The following RAPGEF6 variants were observed in gnomAD, a reference collection of about 807,000 sequenced individuals.
RAPGEF6 encodes PDZ domain containing guanine nucleotide exchange factor (GEF) 2.
Under a neutral mutation model 171.4 loss-of-function variants are expected in RAPGEF6, and 56 were observed. The ratio of observed to expected loss-of-function variants is 0.33; its 90% CI spans 0.26 to 0.41. The LOEUF is 0.41. Ranked by LOEUF, RAPGEF6 falls within the 10% of genes least tolerant of loss-of-function variation. The probability of loss-of-function intolerance (pLI) is 1.00; values close to 1 mark genes in which losing one functional copy is unlikely to be tolerated. For synonymous variants in RAPGEF6, 692 were observed against 650.1 expected (o/e 1.06, Z -0.98); for missense variants, 1,674 against 1,921.4 (o/e 0.87, Z 2.41).
chr5:131,582,440 G>GT (rs2149993284), intron 4 of RAPGEF6, among the ~76,000 whole-genome samples: 1 of 152,168 alleles, frequency 6.6e-6, no homozygotes, highest in East Asian at 1.9e-4. Flanking sequence ...ACAAAAATTG[G>GT]TTTAAATAGA....
chr5:131,431,204 C>T lies in RAPGEF6; in HGVS notation c.4120G>A (p.Asp1374Asn). 6.2e-7 allele frequency: 1 copy of T among 1,614,176 alleles called. No individual in the cohort carries two copies. The highest frequency in any genetic ancestry group is 8.5e-7 in the Non-Finnish European group (1 of 1,180,034). ...SWTSCSSSSHDNFQSLPNPKS... is the reference protein window; with the variant it reads ...SWTSCSSSSHNNFQSLPNPKS... ...GGGTTTGGAAGGCTTTGGAAGTTGT[C>T]ATGGGAGCTGCTTGAACACGAAGTC... Residue 1374 changes from aspartate (D) to asparagine (N), a missense_variant, in exon 26 of 28, where the codon GAC becomes AAC. Asp to Asn is a conservative substitution (Grantham distance 23). Coordinates refer to ENST00000509018, the MANE Select transcript of RAPGEF6 (RefSeq NM_016340.6).
intron 5 of RAPGEF6, among the ~76,000 whole-genome samples, chr5:131,552,127 G>C (rs896141791): frequency 6.6e-6 from 1 of 151,964 alleles, no homozygotes; most frequent in African/African-American, 2.4e-5. Flanking sequence ...ATAGACAAGA[G>C]ATGAAACAAG....
At chr5:131,603,754 AT>A (rs1393561609) in intron 2 of RAPGEF6, among the ~76,000 whole-genome samples, 1 of 152,030 alleles carries the variant, frequency 6.6e-6, no homozygotes, top group African/African-American at 2.4e-5. Flanking sequence ...CAAAATGCTA[AT>A]TTTTCAGTTT....
rs778644142 is a variant in RAPGEF6 at position 131,453,180 on chromosome 5, A to T, written c.3077-3T>A. The T allele has an allele frequency of 5.6e-6, 9 of 1,593,038 alleles. No individual in the cohort carries two copies. The South Asian group carries it at 1.0e-4, about 18-fold the overall frequency. On this transcript the variant is annotated splice_region_variant and splice_polypyrimidine_tract_variant and intron_variant, in intron 20 of 27. Coordinates refer to ENST00000509018, the MANE Select transcript of RAPGEF6 (RefSeq NM_016340.6). ...ACCATCTACTTTGGAGTCATTTCCT[A>T]TAGAATGAAAATAAATGTTTAAGTT... is the stretch of plus-strand genomic sequence containing the variant.
At chr5:131,593,465 G>C (rs1448334951) in intron 3 of RAPGEF6, among the ~76,000 whole-genome samples, 1 of 152,214 alleles carries the variant, frequency 6.6e-6, no homozygotes, top group Non-Finnish European at 1.5e-5. Context: ...TGAAAATGTA[G>C]AAGTGACTTT....
At chr5:131,456,319 T>C (rs984519672) in intron 19 of RAPGEF6, among the ~76,000 whole-genome samples, 1 of 152,180 alleles carries the variant, frequency 6.6e-6, no homozygotes, top group African/African-American at 2.4e-5. Flanking sequence ...ACTTCAAGCA[T>C]CACAATGTTG....
chr5:131,584,609 T>A (rs1763140926), intron 4 of RAPGEF6, among the ~76,000 whole-genome samples: 3 of 152,204 alleles, frequency 2.0e-5, no homozygotes, highest in Admixed American at 2.0e-4. Flanking sequence ...CCTCAATTAC[T>A]CCTGCAAGTA....
Position 131,585,821 on chromosome 5 carries a change from C to T in RAPGEF6, c.281+6562G>A, listed in dbSNP as rs572494140. On this transcript the variant is annotated intron_variant, in intron 4 of 27. Coordinates refer to ENST00000509018, the MANE Select transcript of RAPGEF6 (RefSeq NM_016340.6). The stretch of plus-strand genomic sequence containing the variant: ...AGCCTGGGCGGCAAGAGCGAAACTC[C>T]GTCCCCAAAAAACAAACAAAAAAAG... Among the ~76,000 whole-genome samples, 29 of 152,156 alleles carry T rather than the reference C, an allele frequency of 1.9e-4. 1 individual carries two copies. Among genetic ancestry groups the T allele is most frequent in the Non-Finnish European group, 3.2e-4 (22 of 67,992 alleles).
chr5:131,606,720 C>T (rs1764615758), intron 1 of RAPGEF6, among the ~76,000 whole-genome samples: 1 of 152,120 alleles, frequency 6.6e-6, no homozygotes, highest in Admixed American at 6.5e-5. Flanking sequence ...CTTGTTCTGA[C>T]CAAAAGAATA....
intron 24 of RAPGEF6, among the ~76,000 whole-genome samples, chr5:131,434,485 C>A (rs1683033082): frequency 6.6e-6 from 1 of 152,128 alleles, no homozygotes; most frequent in Non-Finnish European, 1.5e-5. Flanking sequence ...GCGATCCTCC[C>A]GCCTCAGCCT....
intron 10 of RAPGEF6, 82 bp downstream of exon 10, chr5:131,505,282 T>C: frequency 7.3e-7 from 1 of 1,376,094 alleles, no homozygotes. Flanking sequence ...CAAATAAAGC[T>C]ATTTTCTTTT....
At chr5:131,611,392 G>C (rs1235568447) in intron 1 of RAPGEF6, among the ~76,000 whole-genome samples, 1 of 152,162 alleles carries the variant, frequency 6.6e-6, no homozygotes, top group African/African-American at 2.4e-5. Context: ...ATGTTTGGCT[G>C]GGTGTGGTGG....
intron 13 of RAPGEF6, among the ~76,000 whole-genome samples, chr5:131,494,113 CATT>C (rs1278653989): frequency 6.6e-6 from 1 of 152,224 alleles, no homozygotes; most frequent in Non-Finnish European, 1.5e-5. Flanking sequence ...CCTCTCAGCT[CATT>C]ATAATCCTTA....
chr5:131,529,160 A>G (rs1759193810), intron 6 of RAPGEF6, among the ~76,000 whole-genome samples: 1 of 152,040 alleles, frequency 6.6e-6, no homozygotes, highest in African/African-American at 2.4e-5. Context: ...ACGGAAAAAA[A>G]AAAAAAAAGA....
chr5:131,538,819 T>C (rs1382366862), intron 6 of RAPGEF6, among the ~76,000 whole-genome samples: 1 of 152,222 alleles, frequency 6.6e-6, no homozygotes, highest in African/African-American at 2.4e-5. Flanking sequence ...AACTTGGCAT[T>C]TGTCCTAGTT....
At chr5:131,454,652 A>G (rs1396913541) in intron 20 of RAPGEF6, among the ~76,000 whole-genome samples, 1 of 152,210 alleles carries the variant, frequency 6.6e-6, no homozygotes, top group Non-Finnish European at 1.5e-5. Flanking sequence ...AATGAGACAT[A>G]GTTGGAGAGA....
chr5:131,486,168 T>C (rs908084406), intron 15 of RAPGEF6, among the ~76,000 whole-genome samples: 1 of 152,160 alleles, frequency 6.6e-6, no homozygotes, highest in Non-Finnish European at 1.5e-5. Context: ...TATTTTATCC[T>C]TTGGTGGGCA....
At chr5:131,482,529 C>T (rs1755558584) in intron 15 of RAPGEF6, among the ~76,000 whole-genome samples, 1 of 152,108 alleles carries the variant, frequency 6.6e-6, no homozygotes, top group Admixed American at 6.5e-5. Flanking sequence ...TCTTGAACTC[C>T]TGGGCTCAAA....
intron 19 of RAPGEF6, 36 bp from the exon 20 acceptor site, chr5:131,456,048 C>T: frequency 1.3e-6 from 2 of 1,579,402 alleles, no homozygotes; most frequent in Non-Finnish European, 1.7e-6. Flanking sequence ...TAAAAAGAAA[C>T]TTGGGGAAAG....
Sources: gnomAD v4.1 joint callset for allele counts (sites outside exome capture counted in the v4.1 genomes callset) on GRCh38, gnomAD v4.1.1 for gene constraint, MANE v1.5 for transcripts, NCBI Gene and HGNC (gene_info 2026-07-23, HGNC 2026-07-21) for gene names.